The following CNN3 variants were observed in gnomAD, a reference collection of about 807,000 sequenced individuals.
The protein encoded by CNN3 is calponin 3.
In CNN3, 11 loss-of-function variants were observed where a neutral mutation model predicts 39.0. The observed-to-expected ratio is 0.28, with a 90% CI of 0.18 to 0.47. The LOEUF is 0.47. CNN3 is among the 20% of genes least tolerant of loss of function. The pLI is 0.99. For synonymous variants in CNN3, 101 were observed against 138.3 expected (o/e 0.73, Z 1.89); for missense variants, 266 against 403.4 (o/e 0.66, Z 2.92).
chr1:94,903,018 T>TAAAA (rs372027375), intron 3 of CNN3, 104 bp downstream of exon 3: 60 of 622,754 alleles, frequency 9.6e-5, no homozygotes, highest in South Asian at 1.6e-4. Flanking sequence ...ATCAAAAAGT[T>TAAAA]AAAAAAAAAA....
intron 1 of CNN3, among the ~76,000 whole-genome samples, chr1:94,922,464 G>A (rs895616916): frequency 1.3e-5 from 2 of 152,042 alleles, no homozygotes; most frequent in African/African-American, 4.8e-5. Context: ...GTAAAATATC[G>A]ATCTTGAGAC....
chr1:94,925,520 TAC>T (rs1357303626), intron 1 of CNN3: 1 of 797,614 alleles, frequency 1.3e-6, no homozygotes, highest in African/African-American at 1.9e-5. Flanking sequence ...CAACTTTAGA[TAC>T]ATAGACTAAA....
chr1:94,909,045 G>C (rs1671092458), intron 1 of CNN3, among the ~76,000 whole-genome samples: 1 of 151,850 alleles, frequency 6.6e-6, no homozygotes, highest in African/African-American at 2.4e-5. Context: ...ACTTTGGGAG[G>C]CCAAGGCAGG....
chr1:94,905,718 CT>C (rs1424986954), intron 1 of CNN3, among the ~76,000 whole-genome samples: 1 of 152,170 alleles, frequency 6.6e-6, no homozygotes, highest in Non-Finnish European at 1.5e-5. Flanking sequence ...TGGATCAAGT[CT>C]GGCCTGGAGG....
chr1:94,914,674 C>T (rs1014984412), intron 1 of CNN3, among the ~76,000 whole-genome samples: 5 of 152,138 alleles, frequency 3.3e-5, no homozygotes, highest in African/African-American at 1.2e-4. Flanking sequence ...ATTGCAAATG[C>T]TTTTTTGCTT....
intron 1 of CNN3, among the ~76,000 whole-genome samples, chr1:94,918,825 T>C (rs1337962783): frequency 6.7e-6 from 1 of 149,120 alleles, no homozygotes; most frequent in African/African-American, 2.5e-5. Flanking sequence ...ACCCAGGAGG[T>C]AGAGTTGCAG....
intron 1 of CNN3, among the ~76,000 whole-genome samples, chr1:94,903,820 G>A (rs536487889): frequency 6.6e-6 from 1 of 152,246 alleles, no homozygotes; most frequent in East Asian, 1.9e-4. Flanking sequence ...AAGTGACAAG[G>A]ATTTAATGGT....
At chr1:94,911,154 T>C (rs1309707657) in intron 1 of CNN3, among the ~76,000 whole-genome samples, 1 of 152,182 alleles carries the variant, frequency 6.6e-6, no homozygotes, top group East Asian at 1.9e-4. Context: ...TTTGGGACAG[T>C]GATGTCAAGA....
At chr1:94,922,961 C>T (rs1571538305) in intron 1 of CNN3, among the ~76,000 whole-genome samples, 1 of 152,282 alleles carries the variant, frequency 6.6e-6, no homozygotes. Context: ...CATTCCAATT[C>T]CATGCTTCTT....
chr1:94,912,378 G>C (rs1671186586), intron 1 of CNN3, among the ~76,000 whole-genome samples: 1 of 152,322 alleles, frequency 6.6e-6, no homozygotes, highest in Non-Finnish European at 1.5e-5. Context: ...GCAAACGGTA[G>C]TAACTAGAAC....
In CNN3 at chr1:94,897,686, T is replaced by C. The variant is rs941650125; in HGVS notation, c.*56A>G. On this transcript the variant is annotated 3_prime_UTR_variant, in exon 7 of 7. Coordinates refer to ENST00000370206, the MANE Select transcript of CNN3 (RefSeq NM_001839.5). The stretch of plus-strand genomic sequence containing the variant: ...AAGATAAAAATTACTCAAGGCTAGC[T>C]TGGTTCTCACTGAATAAAAACAAAG... 3.8e-5 allele frequency: 56 copies of C among 1,484,030 alleles called. No homozygotes were observed. Among genetic ancestry groups the C allele is most frequent in the Non-Finnish European group, 5.2e-5 (56 of 1,079,186 alleles). 91.9% of individuals were successfully genotyped at this position (1,484,030 alleles called of 1,614,324 possible).
At chr1:94,908,840 A>AT (rs56404478) in intron 1 of CNN3, among the ~76,000 whole-genome samples, 62,070 of 151,700 alleles carry the variant, frequency 0.41, 13,168 homozygotes, top group East Asian at 0.58. Context: ...CAAAATAATA[A>AT]TTTTTTTAAA....
intron 1 of CNN3, among the ~76,000 whole-genome samples, chr1:94,907,156 T>C (rs1012995926): frequency 6.6e-6 from 1 of 152,188 alleles, no homozygotes; most frequent in African/African-American, 2.4e-5. Context: ...AATTCGTATG[T>C]ACAAGCATGC....
intron 1 of CNN3, among the ~76,000 whole-genome samples, chr1:94,923,846 A>T (rs1281324704): frequency 6.6e-6 from 1 of 152,198 alleles, no homozygotes; most frequent in Non-Finnish European, 1.5e-5. Flanking sequence ...AGCCAGACAC[A>T]TCTCCACAAC....
chr1:94,924,128 A>AT (rs1303207480), intron 1 of CNN3: 1 of 152,204 alleles, frequency 6.6e-6, no homozygotes, highest in Admixed American at 6.5e-5. Flanking sequence ...GCAGGAAGGA[A>AT]TCAAAAGGTG....
chr1:94,918,493 CAAAAAAAATAAAA>C (rs766746565), intron 1 of CNN3, among the ~76,000 whole-genome samples: 2 of 29,966 alleles, frequency 6.7e-5, no homozygotes, highest in African/African-American at 1.1e-4. Context: ...GACTGTCTCC[CAAAAAAAATAAAA>C]TAAAAAAAAA....
At chr1:94,924,422 G>C (rs1671526455) in intron 1 of CNN3, 1 of 152,352 alleles carries the variant, frequency 6.6e-6, no homozygotes, top group Non-Finnish European at 1.5e-5. Context: ...AGGAGTTGGA[G>C]ACCAGCCTGG....
At chr1:94,898,311 C>G (rs1002773839) in intron 6 of CNN3, among the ~76,000 whole-genome samples, 1 of 152,166 alleles carries the variant, frequency 6.6e-6, no homozygotes, top group Non-Finnish European at 1.5e-5. Context: ...AATCCTTGCT[C>G]TGCTATAAAA....
At chr1:94,913,702 A>AT (rs1671219485) in intron 1 of CNN3, among the ~76,000 whole-genome samples, 5 of 152,224 alleles carry the variant, frequency 3.3e-5, no homozygotes, top group African/African-American at 1.2e-4. Flanking sequence ...CTGGAAGTTT[A>AT]GGAGAGGCAG....
Sources: allele counts gnomAD v4.1 joint callset (sites outside exome capture counted in the v4.1 genomes callset), GRCh38; gene constraint gnomAD v4.1.1; transcripts MANE v1.5; gene names NCBI Gene and HGNC (gene_info 2026-07-23, HGNC 2026-07-21).